ACYP2: variants seen among roughly 807,000 people sequenced by gnomAD.
ACYP2 encodes the protein acylphosphatase 2.
Under a neutral mutation model 11.2 loss-of-function variants are expected in ACYP2, and 12 were observed. That is an observed-to-expected ratio of 1.08 (90% CI 0.69 to 1.74). The LOEUF (loss-of-function observed/expected upper bound fraction) is 1.74. Among genes scored for constraint, ACYP2 ranks in the 40% most tolerant of loss-of-function variants. ACYP2 has a pLI of 0.00. For missense variants in ACYP2, 134 were observed against 101.9 expected (o/e 1.31, Z -1.35); for synonymous variants, 43 against 32.2 (o/e 1.33, Z -1.13).
intron 2 of ACYP2, among the ~76,000 whole-genome samples, chr2:53,989,308 A>T (rs1188525973): frequency 1.4e-5 from 2 of 139,358 alleles, no homozygotes; most frequent in African/African-American, 5.4e-5. Context: ...TTTCACAGAC[A>T]AGGATTCCCA....
intron 6 of ACYP2, among the ~76,000 whole-genome samples, chr2:54,180,955 C>T (rs843678): frequency 0.069 from 10,485 of 152,288 alleles, 432 homozygotes; most frequent in Non-Finnish European, 0.092. Flanking sequence ...CAGATACTCT[C>T]ACATTGGGCA....
chr2:54,095,505 G>T, intron 4 of ACYP2, among the ~76,000 whole-genome samples: 1 of 150,392 alleles, frequency 6.6e-6, no homozygotes. Context: ...CGGCTGGCTG[G>T]GCGGGGGGCT....
intron 6 of ACYP2, among the ~76,000 whole-genome samples, chr2:54,143,757 T>TGG (rs1459032230): frequency 0.018 from 343 of 19,154 alleles, 15 homozygotes; most frequent in Middle Eastern, 0.077. Context: ...TTTTTTTTTT[T>TGG]GGGGGGGGGG....
chr2:54,138,607 C>T (rs768303029), intron 5 of ACYP2, 32 bp from the exon 3 acceptor site: 1 of 1,540,324 alleles, frequency 6.5e-7, no homozygotes, highest in South Asian at 1.1e-5. Context: ...TTTGATGCTG[C>T]ACTTTATTCT....
chr2:53,978,644 G>C (rs555789332), intron 2 of ACYP2, among the ~76,000 whole-genome samples: 1 of 152,336 alleles, frequency 6.6e-6, no homozygotes, highest in East Asian at 1.9e-4. Flanking sequence ...CCAGCACTTT[G>C]AGAGACCGAG....
chr2:54,064,340 A>T (rs1007696837), intron 4 of ACYP2, among the ~76,000 whole-genome samples: 3 of 152,222 alleles, frequency 2.0e-5, no homozygotes, highest in Admixed American at 1.3e-4. Context: ...GTCGGGAGCC[A>T]GAAGCAGAAC....
In ACYP2 at chr2:54,232,750, G is replaced by A. The variant is rs115866082; in HGVS notation, c.405-71938G>A. Among the ~76,000 whole-genome samples the A allele has an allele frequency of 2.9e-3, 437 of 152,262 alleles. 3 individuals carry two copies. Among genetic ancestry groups the A allele is most frequent in the African/African-American group, 9.9e-3 (412 of 41,540 alleles). On this transcript the variant is annotated intron_variant, in intron 6 of 6. Coordinates refer to ENST00000607452, the MANE Select transcript of ACYP2 (RefSeq NM_001320586.2). ...CAAGGCATGTCTTACATGGCGGCAA[G>A]AGAGGGAGAGCAAAGGGGGAAGTGC...
At chr2:54,124,760 G>A (rs1231682045) in intron 4 of ACYP2, among the ~76,000 whole-genome samples, 2 of 152,152 alleles carry the variant, frequency 1.3e-5, no homozygotes, top group East Asian at 1.9e-4. Flanking sequence ...GAGTGCAGCA[G>A]TGTGATCACA....
intron 6 of ACYP2, among the ~76,000 whole-genome samples, chr2:54,151,044 T>G (rs977206568): frequency 6.6e-6 from 1 of 152,150 alleles, no homozygotes; most frequent in African/African-American, 2.4e-5. Context: ...CCCGGCAGAT[T>G]CTGTGTTTCT....
At chr2:54,189,574 A>G (rs1407335537) in intron 6 of ACYP2, among the ~76,000 whole-genome samples, 3 of 141,480 alleles carry the variant, frequency 2.1e-5, no homozygotes, top group Non-Finnish European at 4.7e-5. Context: ...ATTATATTTA[A>G]TATGTATATC....
intron 2 of ACYP2, among the ~76,000 whole-genome samples, chr2:54,046,430 C>A (rs1398102883): frequency 2.0e-5 from 3 of 147,204 alleles, no homozygotes; most frequent in Non-Finnish European, 3.0e-5. Flanking sequence ...AGTGAACCTG[C>A]AGTGAACTGC....
rs146494653 is a variant in ACYP2, at chr2:54,030,300, C to T, written c.63-20658C>T. ...AACAGCTGCCTCTGTTACCTTGACT[C>T]GTCTCAGATTTCGTCGACTCCTGGC... is the stretch of plus-strand genomic sequence containing the variant. On this transcript the variant is annotated intron_variant, in intron 2 of 6. Coordinates refer to ENST00000607452, the MANE Select transcript of ACYP2 (RefSeq NM_001320586.2). Among the ~76,000 whole-genome samples, 66 of 152,240 alleles carry T rather than the reference C, an allele frequency of 4.3e-4. 1 individual carries two copies. The highest frequency in any genetic ancestry group is 1.6e-3 in the African/African-American group (65 of 41,532).
At chr2:54,187,798 C>A (rs1684072024) in intron 6 of ACYP2, among the ~76,000 whole-genome samples, 1 of 152,140 alleles carries the variant, frequency 6.6e-6, no homozygotes, top group Non-Finnish European at 1.5e-5. Context: ...AGGGTGTCCT[C>A]CAGAATTCAT....
At chr2:54,070,519 T>A (rs1274186774) in intron 4 of ACYP2, among the ~76,000 whole-genome samples, 1 of 152,056 alleles carries the variant, frequency 6.6e-6, no homozygotes, top group Non-Finnish European at 1.5e-5. Context: ...TAGGTGAGAT[T>A]TTTCCCCACT....
intron 2 of ACYP2, among the ~76,000 whole-genome samples, chr2:54,020,824 G>T (rs571796389): frequency 7.9e-5 from 12 of 152,158 alleles, no homozygotes; most frequent in Non-Finnish European, 1.6e-4. Context: ...TAGCATCTAT[G>T]TTGCAAATTT....
chr2:54,031,128 CT>C (rs1674564608), intron 2 of ACYP2, among the ~76,000 whole-genome samples: 1 of 151,560 alleles, frequency 6.6e-6, no homozygotes, highest in Non-Finnish European at 1.5e-5. Flanking sequence ...ACTTCTTCTT[CT>C]TTTTTTATTA....
At chr2:54,294,231 T>C (rs910386061) in intron 6 of ACYP2, among the ~76,000 whole-genome samples, 1 of 152,210 alleles carries the variant, frequency 6.6e-6, no homozygotes, top group Non-Finnish European at 1.5e-5. Flanking sequence ...ATTAGTTAAA[T>C]GGAATTTTTT....
At chr2:54,230,942 T>C (rs993795057) in intron 6 of ACYP2, among the ~76,000 whole-genome samples, 1 of 151,580 alleles carries the variant, frequency 6.6e-6, no homozygotes, top group Non-Finnish European at 1.5e-5. Context: ...GCGATTCTCT[T>C]GCCTCAGCCT....
At chr2:54,064,977 G>T (rs928360776) in intron 4 of ACYP2, among the ~76,000 whole-genome samples, 1 of 152,016 alleles carries the variant, frequency 6.6e-6, no homozygotes, top group African/African-American at 2.4e-5. Flanking sequence ...CCAGGTACTC[G>T]GGAGGCTGAG....
Sources: gnomAD v4.1 joint callset for allele counts (sites outside exome capture counted in the v4.1 genomes callset) on GRCh38, gnomAD v4.1.1 for gene constraint, MANE v1.5 for transcripts, NCBI Gene and HGNC (gene_info 2026-07-23, HGNC 2026-07-21) for gene names.